Variants in AFAP1 observed in about 807,000 individuals in gnomAD.
AFAP1 encodes actin filament associated protein 1.
A neutral mutation model predicts 93.9 loss-of-function variants in AFAP1; 75 were observed. The observed-to-expected ratio is 0.80, with a 90% CI of 0.66 to 0.97. AFAP1 has a LOEUF of 0.97. Ranked by LOEUF, AFAP1 falls within the 50% of genes least tolerant of loss-of-function variation. The probability of loss-of-function intolerance (pLI) is 0.00; values close to 1 mark genes in which losing one functional copy is unlikely to be tolerated. For missense variants in AFAP1, 1,201 were observed against 1,050.8 expected (o/e 1.14, Z -1.98); for synonymous variants, 517 against 430.7 (o/e 1.20, Z -2.48).
Position 7,939,613 on chromosome 4 carries a change from C to T in AFAP1, c.-3+43G>A. On this transcript the variant is annotated intron_variant, in intron 1 of 17. Transcript: ENST00000420658. This position sits in a 1 kb window ranked among gnomAD's most constrained non-coding sequence, Gnocchi z 5.6. ...AGCTTCCACGCCCGGGGCAGAGACC[C>T]CCGCCGGGTCCGGAGACCCTGCCGC... 2 of 412,082 alleles carry T rather than the reference C, an allele frequency of 4.9e-6. No individual in the cohort carries two copies. The highest frequency in any genetic ancestry group is 2.7e-5 in the Admixed American group (1 of 37,116). The allele number at this position is 412,082 out of a possible 1,614,324, so 25.5% of individuals were successfully genotyped here.
intron 1 of AFAP1, among the ~76,000 whole-genome samples, chr4:7,909,419 G>C (rs73795749): frequency 0.014 from 2,104 of 152,272 alleles, 59 homozygotes; most frequent in African/African-American, 0.048. Flanking sequence ...AATACCTAAA[G>C]AGTACTTCAT....
At chr4:7,934,748 G>A (rs1312544531) in intron 1 of AFAP1, among the ~76,000 whole-genome samples, 3 of 152,210 alleles carry the variant, frequency 2.0e-5, no homozygotes, top group Non-Finnish European at 4.4e-5. Context: ...ATGTCAAAAT[G>A]TGATGCTTTG....
Position 7,768,839 on chromosome 4 carries a change from C to A in AFAP1, c.2418+5G>T. On this transcript the variant is annotated splice_donor_5th_base_variant and intron_variant, in intron 17 of 17. Transcript: ENST00000420658. The stretch of plus-strand genomic sequence containing the variant: ...ACCCAGACACCCCCGGACATCAGGG[C>A]TTACCTTGGCCTTCCGCAGCACATG... 6.3e-7 allele frequency: 1 copy of A among 1,586,978 alleles called. No homozygotes were observed. Among genetic ancestry groups the A allele is most frequent in the South Asian group, 1.1e-5 (1 of 88,898 alleles).
chr4:7,861,620 C>A (rs1715699895), intron 3 of AFAP1, among the ~76,000 whole-genome samples: 1 of 152,226 alleles, frequency 6.6e-6, no homozygotes, highest in Non-Finnish European at 1.5e-5. Context: ...GACATGTCAT[C>A]TCCCCTCCCT....
intron 1 of AFAP1, among the ~76,000 whole-genome samples, chr4:7,912,320 G>A (rs1228331729): frequency 1.3e-5 from 2 of 152,208 alleles, no homozygotes; most frequent in Non-Finnish European, 2.9e-5. Flanking sequence ...AACTGCCCAT[G>A]AATGTGAGTG....
chr4:7,915,977 A>G (rs1265140572), intron 1 of AFAP1, among the ~76,000 whole-genome samples: 1 of 151,578 alleles, frequency 6.6e-6, no homozygotes, highest in Non-Finnish European at 1.5e-5. Flanking sequence ...AAAAGCAGCC[A>G]GTCACAAGTT....
intron 3 of AFAP1, among the ~76,000 whole-genome samples, chr4:7,861,803 G>A (rs1168873819): frequency 1.3e-5 from 2 of 152,242 alleles, no homozygotes; most frequent in Admixed American, 6.5e-5. Context: ...CAAACAAGAT[G>A]GCTCACATCC....
Position 7,939,219 on chromosome 4 carries a change from G to T in AFAP1, c.-3+437C>A. 4.1e-6 allele frequency: 1 copy of T among 242,600 alleles called. No individual in the cohort carries two copies. The highest frequency in any genetic ancestry group is 3.6e-5 in the South Asian group (1 of 27,406). 15.0% of individuals were successfully genotyped at this position (242,600 alleles called of 1,614,324 possible). A position where few individuals can be genotyped will look rare whatever the true frequency, so the allele number is the denominator to read the frequency against. On this transcript the variant is annotated intron_variant, in intron 1 of 17. Transcript: ENST00000420658. The surrounding 1 kb of genome is among the most constrained non-coding windows in gnomAD (Gnocchi z 5.6). ...AGAGTCACGGACCCCCTCGTCCGAG[G>T]GTCCGCGCAGTCCCCTCGGTAAGTC...
intron 11 of AFAP1, among the ~76,000 whole-genome samples, chr4:7,789,835 C>A (rs557534557): frequency 1.1e-4 from 17 of 152,336 alleles, no homozygotes; most frequent in Admixed American, 7.2e-4. Flanking sequence ...CTGAGGGGCT[C>A]CCAGCTGAGT....
At chr4:7,861,051 A>G (rs1341120294) in intron 3 of AFAP1, among the ~76,000 whole-genome samples, 1 of 152,182 alleles carries the variant, frequency 6.6e-6, no homozygotes, top group Non-Finnish European at 1.5e-5. Flanking sequence ...ACGAGAGCTG[A>G]TCTTAGCTGA....
At position 7,800,663 on chromosome 4, in the gene AFAP1, C is replaced by T. The variant is rs763285431; in HGVS notation, c.1055-10G>A. The stretch of plus-strand genomic sequence containing the variant: ...AGCACGTTCAGATAGCCTGCGGAGA[C>T]ACAAGGCCACAGGTCAGCCGCCTCG... On this transcript the variant is annotated splice_polypyrimidine_tract_variant and intron_variant, in intron 9 of 17. Transcript: ENST00000420658. The T allele has an allele frequency of 5.6e-6, 9 of 1,614,138 alleles. No individual in the cohort carries two copies. The South Asian group carries it at 9.9e-5, about 18-fold the overall frequency.
At chr4:7,860,148 ATAAT>A (rs58900934) in intron 3 of AFAP1, among the ~76,000 whole-genome samples, 6,730 of 152,206 alleles carry the variant, frequency 0.044, 501 homozygotes, top group African/African-American at 0.15. Context: ...TCTCAAATAA[ATAAT>A]TGTTTGTAAA....
intron 1 of AFAP1, among the ~76,000 whole-genome samples, chr4:7,902,072 C>T (rs956856869): frequency 2.6e-5 from 4 of 152,192 alleles, no homozygotes; most frequent in Admixed American, 1.3e-4. Flanking sequence ...TTTCGAACTG[C>T]GGGTGGAGCA....
chr4:7,784,730 C>T (rs1717107594), intron 12 of AFAP1, among the ~76,000 whole-genome samples: 1 of 152,088 alleles, frequency 6.6e-6, no homozygotes, highest in African/African-American at 2.4e-5. Flanking sequence ...AGGGATGGGC[C>T]ACCCACTTCC....
chr4:7,899,382 C>G (rs116286356), intron 1 of AFAP1, among the ~76,000 whole-genome samples: 129 of 152,230 alleles, frequency 8.5e-4, no homozygotes, highest in African/African-American at 2.7e-3. Context: ...GGGTGAATGA[C>G]GAGTTAAGAA....
chr4:7,798,179 ACGG>A lies in AFAP1; in HGVS notation c.1266+2260_1266+2262del, dbSNP rs1391141939. Among the ~76,000 whole-genome samples the A allele has an allele frequency of 2.3e-4, 25 of 106,410 alleles. 1 individual carries two copies. The highest frequency in any genetic ancestry group is 1.0e-3 in the Admixed American group (10 of 9,806). The allele number at this position is 106,410 out of a possible 152,430, so 69.8% of individuals were successfully genotyped here. ...GCACTGCAACTCTACTGGCTGGCTC[ACGG>A]CACTGCAACTCTATTGGCTGGCTCA... is the stretch of plus-strand genomic sequence containing the variant. On this transcript the variant is annotated intron_variant, in intron 10 of 17. Coordinates refer to ENST00000420658, the MANE Select transcript of AFAP1 (RefSeq NM_001134647.2).
intron 7 of AFAP1, 58 bp from the exon 8 acceptor site, chr4:7,816,157 G>A: frequency 7.0e-7 from 1 of 1,424,036 alleles, no homozygotes; most frequent in African/African-American, 1.4e-5. Flanking sequence ...CCAGTGATGT[G>A]TGATGGATCA....
intron 4 of AFAP1, among the ~76,000 whole-genome samples, chr4:7,847,793 C>CGGAG (rs1553845889): frequency 2.9e-5 from 3 of 102,004 alleles, no homozygotes; most frequent in Non-Finnish European, 6.6e-5. Context: ...CAGGGGTACT[C>CGGAG]GGGGTGGGGC....
intron 1 of AFAP1, among the ~76,000 whole-genome samples, chr4:7,921,799 G>A (rs895682361): frequency 2.0e-5 from 3 of 152,196 alleles, no homozygotes; most frequent in African/African-American, 7.2e-5. Context: ...GGAGAACAGT[G>A]TTTATCTTAT....
Sources: allele counts gnomAD v4.1 joint callset (sites outside exome capture counted in the v4.1 genomes callset), GRCh38; gene constraint gnomAD v4.1.1; non-coding constraint Gnocchi (gnomAD v3.1); transcripts MANE v1.5; gene names NCBI Gene and HGNC (gene_info 2026-07-23, HGNC 2026-07-21).